Variants in VAV3 observed in about 807,000 individuals in gnomAD.
VAV3 encodes the protein vav guanine nucleotide exchange factor 3.
A neutral mutation model predicts 131.2 loss-of-function variants in VAV3; 94 were observed. The ratio of observed to expected loss-of-function variants is 0.72; its 90% CI spans 0.61 to 0.85. The LOEUF (loss-of-function observed/expected upper bound fraction) is 0.85. Ranked by LOEUF, VAV3 falls within the 40% of genes least tolerant of loss-of-function variation. VAV3 has a pLI of 0.00. For synonymous variants in VAV3, 349 were observed against 342.0 expected (o/e 1.02, Z -0.22); for missense variants, 939 against 1,002.7 (o/e 0.94, Z 0.86).
intron 2 of VAV3, among the ~76,000 whole-genome samples, chr1:107,824,040 G>C (rs1667908358): frequency 6.6e-6 from 1 of 152,188 alleles, no homozygotes; most frequent in Non-Finnish European, 1.5e-5. Context: ...CAGTGTCATT[G>C]CAAAGCAGCA....
At chr1:107,960,891 G>C (rs1275537956) in intron 1 of VAV3, among the ~76,000 whole-genome samples, 1 of 151,598 alleles carries the variant, frequency 6.6e-6, no homozygotes, top group Non-Finnish European at 1.5e-5. Context: ...CTTCAAATGG[G>C]TTCATAGCAC....
chr1:107,573,151 G>A lies in VAV3; in HGVS notation c.*180C>T. On this transcript the variant is annotated 3_prime_UTR_variant, in exon 27 of 27. Transcript: ENST00000370056. Reference sequence around the variant, plus strand: ...ACAGCTCTAGGCAAGCCATTAATCTGTCAGTACCAGCATCTTTAGAAATCT... The same window carrying A: ...ACAGCTCTAGGCAAGCCATTAATCTATCAGTACCAGCATCTTTAGAAATCT... 1.5e-6 allele frequency: 1 copy of A among 676,734 alleles called. No homozygotes were observed. The allele number at this position is 676,734 out of a possible 1,614,324, so 41.9% of individuals were successfully genotyped here.
At chr1:107,932,231 C>T (rs979917040) in intron 1 of VAV3, among the ~76,000 whole-genome samples, 1 of 152,316 alleles carries the variant, frequency 6.6e-6, no homozygotes, top group African/African-American at 2.4e-5. Context: ...AGATGCCACA[C>T]AAGTTCAAGA....
At chr1:107,819,697 TAAA>T (rs1667712387) in intron 2 of VAV3, among the ~76,000 whole-genome samples, 2 of 152,126 alleles carry the variant, frequency 1.3e-5, no homozygotes, top group South Asian at 4.1e-4. Context: ...ATAATGCCTT[TAAA>T]AATATATACA....
At chr1:107,962,199 G>A (rs1049861206) in intron 1 of VAV3, among the ~76,000 whole-genome samples, 3 of 152,082 alleles carry the variant, frequency 2.0e-5, no homozygotes, top group African/African-American at 7.2e-5. Flanking sequence ...ATACCAAAAC[G>A]CCACAAGTAC....
chr1:107,764,323 C>CT (rs34108410), intron 9 of VAV3, among the ~76,000 whole-genome samples: 115,163 of 151,994 alleles, frequency 0.76, 43,892 homozygotes, highest in Non-Finnish European at 0.81. Context: ...AACTCAAATG[C>CT]GCCTCTTCAG....
chr1:107,636,879 T>C (rs1483264504), intron 20 of VAV3, among the ~76,000 whole-genome samples: 2 of 152,032 alleles, frequency 1.3e-5, no homozygotes, highest in Non-Finnish European at 2.9e-5. Context: ...CTAACTATAC[T>C]AGCAAAAGAA....
At chr1:107,775,365 G>A (rs912594553) in intron 4 of VAV3, among the ~76,000 whole-genome samples, 4 of 152,022 alleles carry the variant, frequency 2.6e-5, no homozygotes, top group African/African-American at 9.7e-5. Flanking sequence ...TGGATCATGA[G>A]GTCAGGAGTT....
At chr1:107,820,216 A>C (rs759335462) in intron 2 of VAV3, among the ~76,000 whole-genome samples, 4 of 152,220 alleles carry the variant, frequency 2.6e-5, no homozygotes, top group Non-Finnish European at 4.4e-5. Context: ...CTAAATGTCC[A>C]TCAGCAGATG....
At chr1:107,961,459 AATACT>A (rs1675080618) in intron 1 of VAV3, among the ~76,000 whole-genome samples, 2 of 152,162 alleles carry the variant, frequency 1.3e-5, no homozygotes, top group Non-Finnish European at 2.9e-5. Context: ...TCCTGGCTAG[AATACT>A]GTTTCAGATG....
At chr1:107,777,016 G>A (rs890501315) in intron 4 of VAV3, among the ~76,000 whole-genome samples, 2 of 152,218 alleles carry the variant, frequency 1.3e-5, no homozygotes, top group Middle Eastern at 3.2e-3. Context: ...CTTCATTAGA[G>A]TAAGTTTCTT....
intron 2 of VAV3, among the ~76,000 whole-genome samples, chr1:107,840,607 G>A (rs971022914): frequency 1.3e-5 from 2 of 152,076 alleles, no homozygotes; most frequent in Non-Finnish European, 1.5e-5. Flanking sequence ...CCATCAGGAA[G>A]TGCTCAAAGT....
intron 19 of VAV3, among the ~76,000 whole-genome samples, chr1:107,648,325 G>T: frequency 6.6e-6 from 1 of 151,974 alleles, no homozygotes; most frequent in East Asian, 1.9e-4. Context: ...AAGGATGAAA[G>T]ATATGATAAT....
At chr1:107,653,537 A>G (rs1044126023) in intron 19 of VAV3, among the ~76,000 whole-genome samples, 1 of 152,020 alleles carries the variant, frequency 6.6e-6, no homozygotes, top group African/African-American at 2.4e-5. Flanking sequence ...AGGTAACTCT[A>G]AGGTTTAGTC....
In VAV3 at chr1:107,572,335, T is replaced by C. The variant is rs1054634502; in HGVS notation, c.*996A>G. 6.6e-6 allele frequency: 1 copy of C among 152,170 alleles called. No individual in the cohort carries two copies. Among genetic ancestry groups the C allele is most frequent in the Admixed American group, 6.5e-5 (1 of 15,278 alleles). The allele number at this position is 152,170 out of a possible 1,614,324, so 9.4% of individuals were successfully genotyped here. On this transcript the variant is annotated 3_prime_UTR_variant, in exon 27 of 27. Transcript: ENST00000370056. ...CTTCCAAAATCCTCAACAAAGTTGT[T>C]TGTGCTCCAAGAAAATGTGGGAATA...
intron 2 of VAV3, among the ~76,000 whole-genome samples, chr1:107,795,275 C>T (rs1666482397): frequency 6.6e-6 from 1 of 152,218 alleles, no homozygotes; most frequent in South Asian, 2.1e-4. Flanking sequence ...TAACTAGCAT[C>T]TAAATAACTT....
chr1:107,633,527 G>A (rs925300083), intron 20 of VAV3, among the ~76,000 whole-genome samples: 1 of 152,154 alleles, frequency 6.6e-6, no homozygotes, highest in African/African-American at 2.4e-5. Context: ...GGCTGCTCAT[G>A]CGGCTTCAAA....
intron 15 of VAV3, among the ~76,000 whole-genome samples, chr1:107,738,898 C>T (rs777023857): frequency 3.6e-4 from 55 of 152,144 alleles, no homozygotes; most frequent in Non-Finnish European, 5.6e-4. Flanking sequence ...AAGCCGGAGA[C>T]AGTAGCACAG....
rs1664737193 is a variant in VAV3, at chr1:107,766,427, A to C, written c.821+20T>G. On this transcript the variant is annotated intron_variant, in intron 8 of 26. Coordinates refer to ENST00000370056, the MANE Select transcript of VAV3 (RefSeq NM_006113.5). ...ATAATTACAAGCTAAGACCCACAAA[A>C]CTTAAACTTCAAAAGTTACCTTTCC... The C allele has an allele frequency of 6.5e-7, 1 of 1,549,260 alleles. No individual in the cohort carries two copies. The highest frequency in any genetic ancestry group is 8.9e-7 in the Non-Finnish European group (1 of 1,125,546).
Sources: allele counts gnomAD v4.1 joint callset (sites outside exome capture counted in the v4.1 genomes callset), GRCh38; gene constraint gnomAD v4.1.1; transcripts MANE v1.5; gene names NCBI Gene and HGNC (gene_info 2026-07-23, HGNC 2026-07-21).